PLXDC2: variants seen among roughly 807,000 people sequenced by gnomAD.
The protein encoded by PLXDC2 is plexin domain-containing protein 2.
In PLXDC2, 40 loss-of-function variants were observed where a neutral mutation model predicts 68.9. The ratio of observed to expected loss-of-function variants is 0.58; its 90% CI spans 0.45 to 0.76. PLXDC2 has a LOEUF of 0.76. PLXDC2 is among the 30% of genes least tolerant of loss of function. PLXDC2 has a pLI of 0.00. For missense variants in PLXDC2, 644 were observed against 661.9 expected, an observed-to-expected ratio of 0.97 and a Z score of 0.30; for synonymous variants, 243 against 234.2, an observed-to-expected ratio of 1.04 and a Z score of -0.34.
chr10:20,085,998 T>G (rs145389477), intron 4 of PLXDC2, among the ~76,000 whole-genome samples: 51 of 152,348 alleles, frequency 3.3e-4, no homozygotes, highest in Middle Eastern at 3.4e-3. Context: ...AATTACTTTC[T>G]TGTAATGGTT....
chr10:19,910,986 G>A (rs1251227054), intron 1 of PLXDC2, among the ~76,000 whole-genome samples: 1 of 151,908 alleles, frequency 6.6e-6, no homozygotes, highest in African/African-American at 2.4e-5. Flanking sequence ...TCCAGCTGAG[G>A]GGACAGTGTG....
chr10:19,841,860 G>GT (rs111237129), intron 1 of PLXDC2, among the ~76,000 whole-genome samples: 4 of 152,022 alleles, frequency 2.6e-5, no homozygotes, highest in African/African-American at 9.7e-5. Flanking sequence ...AAACATAGTA[G>GT]TATATACGTA....
intron 3 of PLXDC2, among the ~76,000 whole-genome samples, chr10:20,063,002 T>G (rs188575706): frequency 6.6e-6 from 1 of 152,204 alleles, no homozygotes; most frequent in Admixed American, 6.5e-5. Flanking sequence ...TTTGAAATTG[T>G]TTTTTGAAAA....
chr10:20,276,774 A>T (rs1300822371), intron 13 of PLXDC2, among the ~76,000 whole-genome samples: 1 of 152,086 alleles, frequency 6.6e-6, no homozygotes, highest in Non-Finnish European at 1.5e-5. Context: ...CCTTCTCTGA[A>T]ATCCCTGGCT....
At chr10:20,045,178 G>T (rs1835774744) in intron 2 of PLXDC2, among the ~76,000 whole-genome samples, 1 of 151,860 alleles carries the variant, frequency 6.6e-6, no homozygotes, top group African/African-American at 2.4e-5. Context: ...ATATACCTAG[G>T]GTTTTTTGTT....
rs10633613 is a variant in PLXDC2 at position 20,238,677 on chromosome 10, G to GTATATATATATATATATATATATATATA, written c.1313-6652_1313-6651insTATATATATATATATATATATATATATA. 2.3e-3 allele frequency among the ~76,000 whole-genome samples: 176 copies of GTATATATATATATATATATATATATATA among 76,426 alleles called. 2 individuals are homozygous for GTATATATATATATATATATATATATATA. Among genetic ancestry groups the GTATATATATATATATATATATATATATA allele is most frequent in the East Asian group, 3.5e-3 (10 of 2,838 alleles). 50.1% of individuals were successfully genotyped at this position (76,426 alleles called of 152,430 possible). ...TCTCAAAAAAAATATATATATATAT[G>GTATATATATATATATATATATATATATA]TATATATATATATATACACACATAT... On this transcript the variant is annotated intron_variant, in intron 12 of 13. Coordinates refer to ENST00000377252, the MANE Select transcript of PLXDC2 (RefSeq NM_032812.9).
At chr10:20,001,703 C>T (rs947715422) in intron 1 of PLXDC2, 72 bp from the exon 2 acceptor site, 3 of 1,389,974 alleles carry the variant, frequency 2.2e-6, no homozygotes, top group Admixed American at 2.0e-5. Flanking sequence ...CTTTTTTCTT[C>T]TCGAGCCGAT....
rs554733229 is a variant in PLXDC2, at chr10:20,092,799, G to T, written c.541+24560G>T. Among the ~76,000 whole-genome samples the T allele has an allele frequency of 8.0e-4, 122 of 152,050 alleles. 2 individuals are homozygous for T. In the South Asian group the frequency reaches 0.024, roughly 30 times the overall value. Reference sequence around the variant, plus strand: ...ACTTTATAAGAGGAAGGGAAAGGGAGATTTTACAAGCAGAACAAGAGGAAG... The same window carrying T: ...ACTTTATAAGAGGAAGGGAAAGGGATATTTTACAAGCAGAACAAGAGGAAG... On this transcript the variant is annotated intron_variant, in intron 4 of 13. Coordinates refer to ENST00000377252, the MANE Select transcript of PLXDC2 (RefSeq NM_032812.9).
intron 6 of PLXDC2, among the ~76,000 whole-genome samples, chr10:20,148,558 G>C (rs776279757): frequency 1.3e-5 from 2 of 152,130 alleles, no homozygotes; most frequent in Non-Finnish European, 2.9e-5. Flanking sequence ...ATTTAGACTA[G>C]AATAACTGTG....
intron 1 of PLXDC2, among the ~76,000 whole-genome samples, chr10:19,955,028 G>A (rs549579027): frequency 6.6e-6 from 1 of 151,030 alleles, no homozygotes; most frequent in African/African-American, 2.4e-5. Context: ...GCTCTAGTTG[G>A]GCCTTCCTTG....
chr10:20,209,881 A>C (rs1835045694), intron 9 of PLXDC2, among the ~76,000 whole-genome samples: 1 of 152,182 alleles, frequency 6.6e-6, no homozygotes, highest in African/African-American at 2.4e-5. Context: ...TGAAATCTTC[A>C]CAATTTATGT....
intron 1 of PLXDC2, among the ~76,000 whole-genome samples, chr10:19,894,237 AC>A (rs1838016397): frequency 6.6e-6 from 1 of 152,102 alleles, no homozygotes; most frequent in Non-Finnish European, 1.5e-5. Context: ...GTAAAACAAA[AC>A]AAAACAAACA....
rs193048874 is a variant in PLXDC2, at chr10:20,277,585, A to G, written c.1474-2118A>G. Among the ~76,000 whole-genome samples the G allele has an allele frequency of 3.9e-5, 6 of 152,348 alleles. No individual in the cohort carries two copies. In the South Asian group the frequency reaches 8.3e-4, roughly 21 times the overall value. ...AAGTAATTGCTTTGCAATGTGAGAT[A>G]ACATCTCCTATCTCATTATGAAAGT... On this transcript the variant is annotated intron_variant, in intron 13 of 13. Coordinates refer to ENST00000377252, the MANE Select transcript of PLXDC2 (RefSeq NM_032812.9).
chr10:19,952,225 C>G (rs1834002736), intron 1 of PLXDC2, among the ~76,000 whole-genome samples: 1 of 152,142 alleles, frequency 6.6e-6, no homozygotes, highest in African/African-American at 2.4e-5. Flanking sequence ...CCCCTTCTCC[C>G]TTTCTTCCTT....
chr10:19,840,427 T>C (rs1278914778), intron 1 of PLXDC2, among the ~76,000 whole-genome samples: 1 of 152,132 alleles, frequency 6.6e-6, no homozygotes, highest in Non-Finnish European at 1.5e-5. Context: ...TTTATATTAT[T>C]TTTGAAGGTC....
At position 19,897,317 on chromosome 10, in the gene PLXDC2, G is replaced by A. The variant is rs185174130; in HGVS notation, c.112+80126G>A. On this transcript the variant is annotated intron_variant, in intron 1 of 13. Transcript: ENST00000377252. The stretch of plus-strand genomic sequence containing the variant: ...TGTAATGGCACGATCTCGGCTCACC[G>A]CAACCTCCGCCTCCCAGGTTCAAGC... Among the ~76,000 whole-genome samples the A allele has an allele frequency of 1.8e-3, 271 of 151,026 alleles. 3 individuals are homozygous for A. The highest frequency in any genetic ancestry group is 6.5e-3 in the African/African-American group (265 of 41,040).
At chr10:19,857,379 A>G (rs1837234102) in intron 1 of PLXDC2, among the ~76,000 whole-genome samples, 1 of 152,212 alleles carries the variant, frequency 6.6e-6, no homozygotes, top group South Asian at 2.1e-4. Context: ...AAAATTGCAA[A>G]CTGAACCCAA....
chr10:19,863,996 T>G (rs1440784484), intron 1 of PLXDC2, among the ~76,000 whole-genome samples: 1 of 152,148 alleles, frequency 6.6e-6, no homozygotes, highest in Non-Finnish European at 1.5e-5. Context: ...AAAACGCTAT[T>G]TTTATTAAAC....
intron 12 of PLXDC2, among the ~76,000 whole-genome samples, chr10:20,219,706 T>A (rs1835185466): frequency 6.6e-6 from 1 of 152,206 alleles, no homozygotes; most frequent in African/African-American, 2.4e-5. Flanking sequence ...TAGAAATAGA[T>A]CTTTTTCCTT....
Sources: allele counts gnomAD v4.1 joint callset (sites outside exome capture counted in the v4.1 genomes callset), GRCh38; gene constraint gnomAD v4.1.1; transcripts MANE v1.5; gene names NCBI Gene and HGNC (gene_info 2026-07-23, HGNC 2026-07-21).